Variants in CDC73 observed in about 807,000 individuals in gnomAD.
The protein encoded by CDC73 is cell division cycle 73.
CDC73 carries 21 observed loss-of-function variants against 83.7 expected under a neutral mutation model. The ratio of observed to expected loss-of-function variants is 0.25; its 90% confidence interval spans 0.18 to 0.36. The LOEUF (loss-of-function observed/expected upper bound fraction) is 0.36. CDC73 is among the 10% of genes least tolerant of loss of function. CDC73 has a pLI of 1.00. For synonymous variants in CDC73, 224 were observed against 212.9 expected (o/e 1.05, Z -0.45); for missense variants, 342 against 653.3 (o/e 0.52, Z 5.19).
At chr1:193,157,233 A>T (rs2103137347) in intron 10 of CDC73, among the ~76,000 whole-genome samples, 2 of 152,226 alleles carry the variant, frequency 1.3e-5, no homozygotes, top group Middle Eastern at 3.4e-3. Context: ...TATTTTAAGG[A>T]TGCTTGTAGG....
chr1:193,228,623 G>GGA (rs776129500), intron 13 of CDC73, among the ~76,000 whole-genome samples: 2 of 152,136 alleles, frequency 1.3e-5, no homozygotes, highest in Non-Finnish European at 1.5e-5. Flanking sequence ...ATATATGGGT[G>GGA]GAGAGGAATG....
chr1:193,243,680 A>T (rs1006636679), intron 15 of CDC73, among the ~76,000 whole-genome samples: 5 of 152,178 alleles, frequency 3.3e-5, no homozygotes, highest in Admixed American at 6.5e-5. Context: ...AATTTTTTTT[A>T]ATTGACAAAT....
chr1:193,126,612 A>G (rs1675578248), intron 2 of CDC73, among the ~76,000 whole-genome samples: 1 of 152,208 alleles, frequency 6.6e-6, no homozygotes, highest in Non-Finnish European at 1.5e-5. Context: ...AGAGTTGAAC[A>G]TAAAATTTTT....
chr1:193,208,238 T>C (rs1353129123), intron 11 of CDC73, among the ~76,000 whole-genome samples: 1 of 152,200 alleles, frequency 6.6e-6, no homozygotes, highest in African/African-American at 2.4e-5. Context: ...TTTCTTTATC[T>C]CCACTACCAC....
At chr1:193,207,838 TTAAAG>T (rs1319091574) in intron 11 of CDC73, among the ~76,000 whole-genome samples, 2 of 152,196 alleles carry the variant, frequency 1.3e-5, no homozygotes, top group East Asian at 1.9e-4. Context: ...GATTAAGAGA[TTAAAG>T]TAAAGACAGG....
intron 14 of CDC73, 91 bp from the exon 15 acceptor site, chr1:193,236,165 G>C: frequency 1.2e-6 from 1 of 821,024 alleles, no homozygotes; most frequent in Admixed American, 1.7e-5. Context: ...TTATGGGACT[G>C]TTGCCTAAGG....
intron 5 of CDC73, among the ~76,000 whole-genome samples, chr1:193,136,274 C>G (rs1675798936): frequency 6.6e-6 from 1 of 152,082 alleles, no homozygotes; most frequent in Non-Finnish European, 1.5e-5. Flanking sequence ...CAGAATTGGT[C>G]TTTGGGATGT....
Position 193,125,333 on chromosome 1 carries a change from A to C in CDC73, c.237+116A>C, listed in dbSNP as rs1572142760. 4.2e-6 allele frequency: 3 copies of C among 717,022 alleles called. No homozygotes were observed. In the East Asian group the frequency reaches 8.1e-5, roughly 19 times the overall value. 44.4% of individuals were successfully genotyped at this position (717,022 alleles called of 1,614,324 possible). On this transcript the variant is annotated intron_variant, in intron 2 of 16. Transcript: ENST00000367435. The stretch of plus-strand genomic sequence containing the variant: ...GGGTGCAGTGGTGTGATCATAGCTC[A>C]TTGCAGCCTCGAACTCCTAGGCTCA...
intron 10 of CDC73, chr1:193,180,742 C>A: frequency 6.2e-7 from 1 of 1,614,024 alleles, no homozygotes; most frequent in Non-Finnish European, 8.5e-7. Context: ...ATAGTTATGT[C>A]TGGGAGGCAG....
chr1:193,187,586 T>C (rs938655471), intron 10 of CDC73, among the ~76,000 whole-genome samples: 1 of 152,178 alleles, frequency 6.6e-6, no homozygotes, highest in Non-Finnish European at 1.5e-5. Context: ...CCTCTGTGAC[T>C]CTAGGGACAG....
intron 13 of CDC73, among the ~76,000 whole-genome samples, chr1:193,221,329 C>T (rs143437558): frequency 3.9e-5 from 6 of 152,252 alleles, no homozygotes; most frequent in Admixed American, 2.0e-4. Context: ...GTCATATCCA[C>T]GCCTGGGACT....
At chr1:193,244,096 A>G (rs1677909800) in intron 15 of CDC73, among the ~76,000 whole-genome samples, 1 of 152,254 alleles carries the variant, frequency 6.6e-6, no homozygotes, top group Non-Finnish European at 1.5e-5. Flanking sequence ...GTACATGCAC[A>G]TGCAAAACAA....
chr1:193,204,919 A>G (rs926975301), intron 11 of CDC73, among the ~76,000 whole-genome samples: 4 of 152,196 alleles, frequency 2.6e-5, no homozygotes, highest in African/African-American at 9.7e-5. Flanking sequence ...ATAGAATCAT[A>G]TTCAGCTTTG....
At chr1:193,161,282 G>T (rs1676304320) in intron 10 of CDC73, 1 of 173,936 alleles carries the variant, frequency 5.7e-6, no homozygotes, top group Non-Finnish European at 1.2e-5. Flanking sequence ...TAGAAACTAA[G>T]TTCTTATTTG....
chr1:193,180,735 G>C, intron 10 of CDC73: 2 of 1,614,050 alleles, frequency 1.2e-6, no homozygotes. Flanking sequence ...CAGTGAAATA[G>C]TTATGTCTGG....
Position 193,122,175 on chromosome 1 carries a change from A to C in CDC73, c.-26A>C, listed in dbSNP as rs1462636521. Reference sequence around the variant, plus strand: ...GCGCGGCGGCAGCGGCGGCGCCCCGAGCCGGCGGAGGCGAGGGGGGGGAAG... The same window carrying C: ...GCGCGGCGGCAGCGGCGGCGCCCCGCGCCGGCGGAGGCGAGGGGGGGGAAG... On this transcript the variant is annotated 5_prime_UTR_variant, in exon 1 of 17. Coordinates refer to ENST00000367435, the MANE Select transcript of CDC73 (RefSeq NM_024529.5). The C allele has an allele frequency of 3.1e-6, 5 of 1,610,304 alleles. No individual in the cohort carries two copies. The highest frequency in any genetic ancestry group is 4.2e-6 in the Non-Finnish European group (5 of 1,177,210).
chr1:193,251,900 G>A lies in CDC73; in HGVS notation c.*1188G>A. On this transcript the variant is annotated 3_prime_UTR_variant, in exon 17 of 17. Coordinates refer to ENST00000367435, the MANE Select transcript of CDC73 (RefSeq NM_024529.5). ...AGCTTTACTTTCCTAAAGTGTTTTT[G>A]CCATTGGAATTTTTGCTGATCACAG... The A allele has an allele frequency of 4.4e-6, 1 of 226,640 alleles. No individual in the cohort carries two copies. Among genetic ancestry groups the A allele is most frequent in the Non-Finnish European group, 8.7e-6 (1 of 115,360 alleles). The allele number at this position is 226,640 out of a possible 1,614,324, so 14.0% of individuals were successfully genotyped here.
At chr1:193,208,842 G>A (rs1558311602) in intron 11 of CDC73, among the ~76,000 whole-genome samples, 1 of 151,988 alleles carries the variant, frequency 6.6e-6, no homozygotes, top group South Asian at 2.1e-4. Flanking sequence ...GTATTTGCCC[G>A]TATTCCTACC....
chr1:193,160,723 CTCTT>C (rs1231645322), intron 10 of CDC73, among the ~76,000 whole-genome samples: 2 of 151,860 alleles, frequency 1.3e-5, no homozygotes, highest in African/African-American at 4.8e-5. Context: ...TTCTGTATTT[CTCTT>C]TATTATTTTG....
Sources: gnomAD v4.1 joint callset for allele counts (sites outside exome capture counted in the v4.1 genomes callset) on GRCh38, gnomAD v4.1.1 for gene constraint, MANE v1.5 for transcripts, NCBI Gene and HGNC (gene_info 2026-07-23, HGNC 2026-07-21) for gene names.